NUMB: variants seen among roughly 807,000 people sequenced by gnomAD.
NUMB encodes the protein NUMB endocytic adaptor protein.
NUMB carries 29 observed loss-of-function variants against 59.7 expected under a neutral mutation model. The ratio of observed to expected loss-of-function variants is 0.49; its 90% confidence interval spans 0.36 to 0.66. NUMB has a LOEUF of 0.66. Ranked by LOEUF, NUMB falls within the 30% of genes least tolerant of loss-of-function variation. NUMB has a pLI of 0.00. For missense variants in NUMB, 723 were observed against 822.0 expected, an observed-to-expected ratio of 0.88 and a Z score of 1.47; for synonymous variants, 288 against 288.2, an observed-to-expected ratio of 1.00 and a Z score of 0.01.
intron 11 of NUMB, 132 bp downstream of exon 11, chr14:73,282,227 G>A (rs1888678948): frequency 2.2e-5 from 16 of 729,548 alleles, no homozygotes; most frequent in Non-Finnish European, 3.2e-5. Flanking sequence ...ATGAATCTAA[G>A]ACATCAAATA....
chr14:73,378,032 CACACAT>C (rs1895055197), intron 2 of NUMB, among the ~76,000 whole-genome samples: 1 of 151,544 alleles, frequency 6.6e-6, no homozygotes, highest in African/African-American at 2.4e-5. Context: ...CACACACACA[CACACAT>C]ACCAAAAAAC....
At chr14:73,297,323 C>T (rs770724080) in intron 6 of NUMB, 38 bp from the exon 7 acceptor site, 49 of 1,169,128 alleles carry the variant, frequency 4.2e-5, no homozygotes, top group Non-Finnish European at 5.6e-5. Context: ...GGGAGATACA[C>T]ATATATAATA....
chr14:73,346,583 GATACTAATATATTTAAATAT>G (rs1297295933), intron 4 of NUMB, among the ~76,000 whole-genome samples: 3 of 151,948 alleles, frequency 2.0e-5, no homozygotes, highest in Non-Finnish European at 2.9e-5. Flanking sequence ...CAATTATATA[GATACTAATATATTTAAATAT>G]ACACAGTGAA....
intron 11 of NUMB, among the ~76,000 whole-genome samples, chr14:73,281,246 CTT>C (rs571076306): frequency 6.9e-6 from 1 of 145,880 alleles, no homozygotes; most frequent in Non-Finnish European, 1.5e-5. Flanking sequence ...CTCTGAGCCT[CTT>C]TTTTTTTTTT....
At chr14:73,438,063 T>G (rs967148760) in intron 1 of NUMB, among the ~76,000 whole-genome samples, 7 of 152,228 alleles carry the variant, frequency 4.6e-5, no homozygotes, top group South Asian at 2.1e-4. Context: ...TCTCATACAC[T>G]GTTAATGGAA....
intron 4 of NUMB, among the ~76,000 whole-genome samples, chr14:73,351,926 A>C (rs1361418479): frequency 2.0e-5 from 3 of 152,026 alleles, no homozygotes; most frequent in Non-Finnish European, 4.4e-5. Flanking sequence ...CAGTGAGCCG[A>C]GATGGCGCCA....
intron 1 of NUMB, among the ~76,000 whole-genome samples, chr14:73,415,312 CAT>C (rs1897080351): frequency 2.0e-5 from 3 of 149,266 alleles, no homozygotes; most frequent in Non-Finnish European, 3.0e-5. Flanking sequence ...CAAGAAACAA[CAT>C]TGTTACTAGT....
intron 6 of NUMB, among the ~76,000 whole-genome samples, chr14:73,315,939 T>C (rs1190409827): frequency 1.3e-5 from 2 of 152,138 alleles, no homozygotes; most frequent in Non-Finnish European, 2.9e-5. Flanking sequence ...CAGGCTGGAG[T>C]GCAGTGGCGT....
rs937093484 is a variant in NUMB, at chr14:73,287,130, T to A, written c.635A>T (p.Gln212Leu). Residue 212 changes from glutamine (Q) to leucine (L), a missense_variant, in exon 9 of 13, where the codon CAA becomes CTA. By Grantham distance (113) the Gln-to-Leu change is moderately radical. Transcript: ENST00000555238. ...EQAEREEIMKQMQDAKKAETD... is the reference protein window; with the variant it reads ...EQAEREEIMKLMQDAKKAETD... ...TGTACCTTTCTTGGCATCTTGCATT[T>A]GTTTCATGATCTCCTCTCTTTCTGC... 34 of 1,614,048 alleles carry A rather than the reference T, an allele frequency of 2.1e-5. No individual in the cohort carries two copies. Among genetic ancestry groups the A allele is most frequent in the Non-Finnish European group, 2.6e-5 (31 of 1,180,004 alleles).
intron 4 of NUMB, among the ~76,000 whole-genome samples, chr14:73,335,565 A>C (rs545979612): frequency 6.6e-5 from 10 of 152,326 alleles, no homozygotes; most frequent in Admixed American, 5.2e-4. Flanking sequence ...GCCTTTTCCA[A>C]ACTCCTTCTG....
intron 6 of NUMB, among the ~76,000 whole-genome samples, chr14:73,312,271 G>A (rs182260148): frequency 2.6e-4 from 39 of 151,666 alleles, no homozygotes; most frequent in African/African-American, 9.2e-4. Context: ...GCAAACGCCT[G>A]TGGTCCCAGC....
At chr14:73,411,660 G>GC in intron 1 of NUMB, among the ~76,000 whole-genome samples, 1 of 152,130 alleles carries the variant, frequency 6.6e-6, no homozygotes, top group Non-Finnish European at 1.5e-5. Flanking sequence ...CTAATAAATA[G>GC]CAGGTATCAA....
intron 4 of NUMB, among the ~76,000 whole-genome samples, chr14:73,338,668 C>T (rs111739445): frequency 1.7e-3 from 253 of 152,148 alleles, no homozygotes; most frequent in African/African-American, 6.0e-3. Context: ...TTTATAAGGC[C>T]CTACACCAGT....
intron 7 of NUMB, among the ~76,000 whole-genome samples, chr14:73,295,356 A>G (rs576131983): frequency 1.3e-5 from 2 of 152,348 alleles, no homozygotes; most frequent in African/African-American, 4.8e-5. Flanking sequence ...GGAAAAAACT[A>G]AACTAATGAA....
chr14:73,413,711 T>A (rs1215304283), intron 1 of NUMB, among the ~76,000 whole-genome samples: 1 of 151,976 alleles, frequency 6.6e-6, no homozygotes, highest in East Asian at 2.0e-4. Context: ...TGAGCAGAGA[T>A]TGCGCCACTG....
intron 1 of NUMB, among the ~76,000 whole-genome samples, chr14:73,412,649 A>AAG (rs1555380200): frequency 1.3e-5 from 2 of 151,422 alleles, no homozygotes; most frequent in African/African-American, 4.8e-5. Flanking sequence ...AAAAAAAAAA[A>AAG]AGAGATGGGG....
chr14:73,325,169 T>C (rs1891597034), intron 4 of NUMB, among the ~76,000 whole-genome samples: 1 of 149,342 alleles, frequency 6.7e-6, no homozygotes, highest in South Asian at 2.1e-4. Flanking sequence ...TCTTTTGCTT[T>C]TAAAACTCCA....
In NUMB at chr14:73,275,396, T is replaced by G. The variant is rs1888086311; in HGVS notation, c.*1182A>C. The G allele has an allele frequency of 6.8e-6, 1 of 147,384 alleles. No homozygotes were observed. Among genetic ancestry groups the G allele is most frequent in the Admixed American group, 6.8e-5 (1 of 14,792 alleles). 9.1% of individuals were successfully genotyped at this position (147,384 alleles called of 1,614,324 possible). On this transcript the variant is annotated 3_prime_UTR_variant, in exon 13 of 13. Transcript: ENST00000555238. ...AGGGGATGTTCTCACCAAAAGGGGG[T>G]TTGGGGGAAGAGGACACACACAAAG...
intron 1 of NUMB, among the ~76,000 whole-genome samples, chr14:73,426,324 C>A (rs576450930): frequency 6.6e-6 from 1 of 152,282 alleles, no homozygotes; most frequent in Non-Finnish European, 1.5e-5. Flanking sequence ...GCCTCTGAAG[C>A]CAGAGGCCTA....
Sources: gnomAD v4.1 joint callset for allele counts (sites outside exome capture counted in the v4.1 genomes callset) on GRCh38, gnomAD v4.1.1 for gene constraint, MANE v1.5 for transcripts, NCBI Gene and HGNC (gene_info 2026-07-23, HGNC 2026-07-21) for gene names.